Variants in RAP1A observed in about 807,000 individuals in gnomAD.
The protein encoded by RAP1A is ras-related protein Rap-1A.
In RAP1A, 6 loss-of-function variants were observed where a neutral mutation model predicts 26.4. The ratio of observed to expected loss-of-function variants is 0.23; its 90% CI spans 0.12 to 0.45. RAP1A has a LOEUF of 0.45. Ranked by LOEUF, RAP1A falls within the 20% of genes least tolerant of loss-of-function variation. The pLI is 0.99. For synonymous variants in RAP1A, 73 were observed against 79.4 expected, an observed-to-expected ratio of 0.92 and a Z score of 0.43; for missense variants, 121 against 217.2, an observed-to-expected ratio of 0.56 and a Z score of 2.78.
At chr1:111,683,344 CACA>C (rs1661365587) in intron 1 of RAP1A, among the ~76,000 whole-genome samples, 1 of 144,370 alleles carries the variant, frequency 6.9e-6, no homozygotes, top group African/African-American at 2.9e-5. Flanking sequence ...GAGATAGAGA[CACA>C]AAAAAAACCT....
chr1:111,613,420 C>A (rs1266107739), intron 1 of RAP1A, among the ~76,000 whole-genome samples: 2 of 152,070 alleles, frequency 1.3e-5, no homozygotes, highest in Non-Finnish European at 2.9e-5. Flanking sequence ...AGGATGGTCT[C>A]GATCTCCTGA....
chr1:111,570,991 G>A (rs907329186), intron 1 of RAP1A, among the ~76,000 whole-genome samples: 6 of 152,138 alleles, frequency 3.9e-5, no homozygotes, highest in East Asian at 3.9e-4. Flanking sequence ...ACTAACTACT[G>A]GAGCTGGCAC....
intron 1 of RAP1A, among the ~76,000 whole-genome samples, chr1:111,545,043 G>A (rs1238561439): frequency 7.8e-6 from 1 of 128,992 alleles, no homozygotes; most frequent in Non-Finnish European, 1.7e-5. Context: ...TATCCAATTT[G>A]GTACATACCC....
At chr1:111,628,418 C>T (rs1659464381) in intron 1 of RAP1A, among the ~76,000 whole-genome samples, 1 of 151,984 alleles carries the variant, frequency 6.6e-6, no homozygotes, top group Non-Finnish European at 1.5e-5. Flanking sequence ...GAAGCCTAGG[C>T]TTTTGTATAG....
chr1:111,599,793 T>A (rs1042179635), intron 1 of RAP1A: 1 of 152,156 alleles, frequency 6.6e-6, no homozygotes, highest in Non-Finnish European at 1.5e-5. Flanking sequence ...AAGTCTCATG[T>A]TGAAATGTAA....
At position 111,619,922 on chromosome 1, in the gene RAP1A, C is replaced by T. The variant is rs1659128862; in HGVS notation, c.-40C>T. The T allele has an allele frequency of 2.5e-6, 1 of 394,248 alleles. No individual in the cohort carries two copies. Among genetic ancestry groups the T allele is most frequent in the South Asian group, 1.3e-4 (1 of 7,742 alleles). 24.4% of individuals were successfully genotyped at this position (394,248 alleles called of 1,614,324 possible). On this transcript the variant is annotated 5_prime_UTR_variant, in exon 1 of 8. Coordinates refer to ENST00000369709, the MANE Select transcript of RAP1A (RefSeq NM_002884.4). ...GGAGGTGGAGGAGGTGGAGGAGGCG[C>T]CGGACCGGGGGGGTGAGTAAGGGGC...
chr1:111,699,935 C>T (rs1557897343), intron 4 of RAP1A, among the ~76,000 whole-genome samples: 2 of 152,202 alleles, frequency 1.3e-5, no homozygotes, highest in South Asian at 4.1e-4. Flanking sequence ...CTTGACTTTT[C>T]AGCAGCCTTT....
chr1:111,658,387 C>T (rs935938101), intron 1 of RAP1A, among the ~76,000 whole-genome samples: 11 of 152,034 alleles, frequency 7.2e-5, no homozygotes, highest in Non-Finnish European at 1.3e-4. Flanking sequence ...TTCAATTCAA[C>T]CTTAGCTTAT....
upstream of RAP1A, among the ~76,000 whole-genome samples, chr1:111,616,280 T>C (rs1659012802): frequency 1.3e-5 from 2 of 152,212 alleles, no homozygotes; most frequent in African/African-American, 2.4e-5. Context: ...TATCTCCTCC[T>C]GCACTCAGTT....
intron 1 of RAP1A, among the ~76,000 whole-genome samples, chr1:111,549,130 T>A (rs1365100197): frequency 6.6e-6 from 1 of 152,230 alleles, no homozygotes; most frequent in Non-Finnish European, 1.5e-5. Context: ...GATATTGGTC[T>A]GTTATTTTCT....
intron 1 of RAP1A, 123 bp from the exon 2 acceptor site, chr1:111,691,211 G>T (rs1000836946): frequency 9.6e-5 from 48 of 498,564 alleles, no homozygotes; most frequent in Non-Finnish European, 1.4e-4. Flanking sequence ...TGTAGCTTCT[G>T]TTGTCCCTTT....
intron 1 of RAP1A, among the ~76,000 whole-genome samples, chr1:111,576,783 T>C (rs1050568748): frequency 6.6e-6 from 1 of 152,192 alleles, no homozygotes; most frequent in African/African-American, 2.4e-5. Context: ...TCTAAAGTCA[T>C]TAACGAAGCT....
At chr1:111,623,315 T>A (rs1659281540) in intron 1 of RAP1A, among the ~76,000 whole-genome samples, 1 of 152,146 alleles carries the variant, frequency 6.6e-6, no homozygotes, top group Non-Finnish European at 1.5e-5. Context: ...TGTGAGCTAC[T>A]GTGGCTGGCA....
chr1:111,635,065 TA>T (rs2101109751), intron 1 of RAP1A, among the ~76,000 whole-genome samples: 1 of 152,366 alleles, frequency 6.6e-6, no homozygotes, highest in African/African-American at 2.4e-5. Flanking sequence ...TTAAAGGCTT[TA>T]CAAATAATAA....
At chr1:111,573,644 T>A (rs765344042) in intron 1 of RAP1A, among the ~76,000 whole-genome samples, 2 of 152,212 alleles carry the variant, frequency 1.3e-5, no homozygotes, top group Non-Finnish European at 2.9e-5. Flanking sequence ...CTTGACTTTT[T>A]AATAATAGCC....
chr1:111,574,339 A>G (rs1658106741), intron 1 of RAP1A, among the ~76,000 whole-genome samples: 1 of 152,114 alleles, frequency 6.6e-6, no homozygotes, highest in Admixed American at 6.5e-5. Context: ...TACCAGTGCC[A>G]TGCTGTTTTT....
intron 1 of RAP1A, among the ~76,000 whole-genome samples, chr1:111,583,072 G>A (rs983944824): frequency 4.6e-5 from 7 of 152,102 alleles, no homozygotes; most frequent in African/African-American, 1.7e-4. Context: ...GTATCTTGCA[G>A]AGATTTCTGT....
At chr1:111,674,596 A>C (rs1411218854) in intron 1 of RAP1A, among the ~76,000 whole-genome samples, 1 of 152,120 alleles carries the variant, frequency 6.6e-6, no homozygotes, top group Non-Finnish European at 1.5e-5. Flanking sequence ...TCCCATAGGA[A>C]TCTCATAGTT....
At chr1:111,626,017 G>T (rs1659387323) in intron 1 of RAP1A, among the ~76,000 whole-genome samples, 1 of 152,172 alleles carries the variant, frequency 6.6e-6, no homozygotes, top group Non-Finnish European at 1.5e-5. Flanking sequence ...CTCTTTGATG[G>T]ATACTGAGAT....
Sources: gnomAD v4.1 joint callset for allele counts (sites outside exome capture counted in the v4.1 genomes callset) on GRCh38, gnomAD v4.1.1 for gene constraint, MANE v1.5 for transcripts, NCBI Gene and HGNC (gene_info 2026-07-23, HGNC 2026-07-21) for gene names.